The following NPY4R variants were observed in gnomAD, a reference collection of about 807,000 sequenced individuals.
The protein encoded by NPY4R is neuropeptide Y receptor Y4, also known as neuropeptide Y receptor type 4.
In NPY4R, 2 loss-of-function variants were observed where a neutral mutation model predicts 11.9. The observed-to-expected ratio is 0.17, with a 90% CI of 0.07 to 0.53. NPY4R has a LOEUF of 0.53. NPY4R is among the 20% of genes least tolerant of loss of function. The pLI is 0.94. For missense variants in NPY4R, 26 were observed against 280.2 expected, an observed-to-expected ratio of 0.09 and a Z score of 6.48; for synonymous variants, 8 against 121.7, an observed-to-expected ratio of 0.07 and a Z score of 6.15.
upstream of NPY4R, among the ~76,000 whole-genome samples, chr10:46,466,147 G>A (rs1841013186): frequency 7.1e-6 from 1 of 140,260 alleles, no homozygotes; most frequent in African/African-American, 2.6e-5. Flanking sequence ...CCTCAACCCT[G>A]GATACAGGCA....
chr10:46,466,197 T>TC (rs1841021400), upstream of NPY4R, among the ~76,000 whole-genome samples: 1 of 21,960 alleles, frequency 4.6e-5, no homozygotes, highest in Non-Finnish European at 1.0e-4. Flanking sequence ...CTTTCTTTCT[T>TC]TCTTTCTTTC....
upstream of NPY4R, among the ~76,000 whole-genome samples, chr10:46,466,304 C>T (rs1554991309): frequency 7.6e-6 from 1 of 131,684 alleles, no homozygotes; most frequent in Admixed American, 7.6e-5. Context: ...CTCTCTCTCC[C>T]TCCCTCCCCC....
chr10:46,466,264 C>T (rs1195587439), upstream of NPY4R, among the ~76,000 whole-genome samples: 3,483 of 15,556 alleles, frequency 0.22, 206 homozygotes, highest in Middle Eastern at 0.38. Context: ...TCTTTCTTTC[C>T]TTTCTTTCTT....
At chr10:46,466,177 T>TTCTCTC (rs1377838026), upstream of NPY4R, among the ~76,000 whole-genome samples, 132 of 40,094 alleles carry the variant, frequency 3.3e-3, 22 homozygotes, top group African/African-American at 7.6e-3. Flanking sequence ...TGCGCTGTCT[T>TTCTCTC]TCTCTCTTTC....
chr10:46,466,285 TC>T (rs879954202), upstream of NPY4R, among the ~76,000 whole-genome samples: 7 of 35,904 alleles, frequency 1.9e-4, no homozygotes, highest in African/African-American at 4.9e-4. Flanking sequence ...TCTTTCTTTC[TC>T]TCTCTCTCTC....
upstream of NPY4R, among the ~76,000 whole-genome samples, chr10:46,466,266 TTCTTTCTTTCTTTCTTTCTCTC>T (rs1841043807): frequency 2.9e-5 from 2 of 69,066 alleles, no homozygotes; most frequent in South Asian, 3.9e-4. Context: ...TTTCTTTCCT[TTCTTTCTTTCTTTCTTTCTCTC>T]TCTCTCTCTC....
upstream of NPY4R, among the ~76,000 whole-genome samples, chr10:46,466,175 C>CTTTCTCTCTCTT (rs1841014655): frequency 6.7e-5 from 1 of 15,012 alleles, no homozygotes; most frequent in Admixed American, 8.1e-4. Context: ...GCTGCGCTGT[C>CTTTCTCTCTCTT]TTTCTCTCTT....
chr10:46,467,430 G>A (rs369428913), upstream of NPY4R, among the ~76,000 whole-genome samples: 79 of 147,052 alleles, frequency 5.4e-4, no homozygotes, highest in African/African-American at 1.8e-3. Context: ...CCTGGAAAGC[G>A]GCTGCTCCTC....
upstream of NPY4R, among the ~76,000 whole-genome samples, chr10:46,466,256 T>TTCC (rs1792025494): frequency 2.8e-5 from 2 of 70,646 alleles, no homozygotes; most frequent in Non-Finnish European, 5.5e-5. Flanking sequence ...TCTTTCTTTC[T>TTCC]TTCTTTCCTT....
chr10:46,466,234 TCTTTCTTTCTTTCTTTCTTTCTTTCTTTC>T (rs1841030768), upstream of NPY4R, among the ~76,000 whole-genome samples: 19 of 68,552 alleles, frequency 2.8e-4, no homozygotes, highest in South Asian at 1.2e-3. Context: ...TTTCTTTCTT[TCTTTCTTTCTTTCTTTCTTTCTTTCTTTC>T]CTTTCTTTCT....
At chr10:46,466,217 TTC>T (rs1841025128), upstream of NPY4R, among the ~76,000 whole-genome samples, 7 of 62,494 alleles carry the variant, frequency 1.1e-4, 2 homozygotes, top group East Asian at 9.8e-4. Context: ...CTTTCTTTCT[TTC>T]TTTCTTTCTT....
upstream of NPY4R, among the ~76,000 whole-genome samples, chr10:46,466,199 CTTTCTTTCT>C (rs1841021951): frequency 1.2e-3 from 71 of 58,998 alleles, no homozygotes; most frequent in South Asian, 3.9e-3. Context: ...TTCTTTCTTT[CTTTCTTTCT>C]TTCTTTCTTT....
chr10:46,466,061 C>G (rs1193762558), upstream of NPY4R, among the ~76,000 whole-genome samples: 24 of 150,168 alleles, frequency 1.6e-4, no homozygotes, highest in African/African-American at 5.1e-4. Flanking sequence ...CCAGCACTCG[C>G]CCTGGGGAGC....
upstream of NPY4R, among the ~76,000 whole-genome samples, chr10:46,466,254 TCTTTCTTTC>T (rs1169607292): frequency 9.1e-3 from 600 of 66,150 alleles, 71 homozygotes; most frequent in Admixed American, 0.049. Context: ...TTTCTTTCTT[TCTTTCTTTC>T]CTTTCTTTCT....
chr10:46,466,205 TTCTTTC>T (rs1841023483), upstream of NPY4R, among the ~76,000 whole-genome samples: 25 of 49,682 alleles, frequency 5.0e-4, no homozygotes, highest in African/African-American at 1.9e-3. Context: ...CTTTCTTTCT[TTCTTTC>T]TTTCTTTCTT....
upstream of NPY4R, among the ~76,000 whole-genome samples, chr10:46,466,273 T>TC (rs1841046096): frequency 2.5e-5 from 2 of 80,596 alleles, no homozygotes; most frequent in South Asian, 3.5e-4. Flanking sequence ...CCTTTCTTTC[T>TC]TTCTTTCTTT....
chr10:46,466,181 C>CTCTT (rs1171598410), upstream of NPY4R, among the ~76,000 whole-genome samples: 109 of 22,194 alleles, frequency 4.9e-3, 4 homozygotes, highest in Non-Finnish European at 5.9e-3. Context: ...CTGTCTTTCT[C>CTCTT]TCTTTCTTTC....
At chr10:46,466,268 CTTT>C (rs1841044542), upstream of NPY4R, among the ~76,000 whole-genome samples, 6 of 65,488 alleles carry the variant, frequency 9.2e-5, no homozygotes, top group East Asian at 3.1e-4. Context: ...TCTTTCCTTT[CTTT>C]CTTTCTTTCT....
upstream of NPY4R, among the ~76,000 whole-genome samples, chr10:46,466,732 C>T (rs1468860396): frequency 3.6e-3 from 1 of 280 alleles, no homozygotes; most frequent in Non-Finnish European, 6.8e-3. Flanking sequence ...GGCAGTGTGG[C>T]TGAGAATGTC....
Sources: gnomAD v4.1 joint callset for allele counts (sites outside exome capture counted in the v4.1 genomes callset) on GRCh38, gnomAD v4.1.1 for gene constraint, MANE v1.5 for transcripts, NCBI Gene and HGNC (gene_info 2026-07-23, HGNC 2026-07-21) for gene names.